SPAG16: variants seen among roughly 807,000 people sequenced by gnomAD.
SPAG16 encodes sperm associated antigen 16, also known as sperm-associated antigen 16 protein.
Under a neutral mutation model 80.4 loss-of-function variants are expected in SPAG16, and 86 were observed. The observed-to-expected ratio is 1.07, with a 90% CI of 0.90 to 1.28. The LOEUF (loss-of-function observed/expected upper bound fraction) is 1.28. Ranked by LOEUF, SPAG16 falls within the 50% of genes most tolerant of loss-of-function variation. SPAG16 has a pLI of 0.00. For synonymous variants in SPAG16, 294 were observed against 265.9 expected, an observed-to-expected ratio of 1.11 and a Z score of -1.03; for missense variants, 870 against 765.3, an observed-to-expected ratio of 1.14 and a Z score of -1.61.
intron 12 of SPAG16, among the ~76,000 whole-genome samples, chr2:214,009,423 T>C (rs114746422): frequency 0.023 from 3,438 of 152,294 alleles, 141 homozygotes; most frequent in African/African-American, 0.078. Context: ...TCCTGTGCTA[T>C]GTTTAGTTCA....
chr2:213,293,367 C>T (rs1465680254), intron 1 of SPAG16, among the ~76,000 whole-genome samples: 1 of 152,202 alleles, frequency 6.6e-6, no homozygotes, highest in African/African-American at 2.4e-5. Context: ...TATTCATGCT[C>T]TTGTGTAATC....
rs577405375 is a variant in SPAG16, at chr2:213,850,389, A to G, written c.1071-12096A>G. On this transcript the variant is annotated intron_variant, in intron 10 of 15. Transcript: ENST00000331683. ...CATGACACAGAAAACTTCAAAAATGAAAAGCTAAAATCCAGGGAAAACTGT... is the reference window on the plus strand; with the variant it reads ...CATGACACAGAAAACTTCAAAAATGGAAAGCTAAAATCCAGGGAAAACTGT... 2.0e-5 allele frequency among the ~76,000 whole-genome samples: 3 copies of G among 152,372 alleles called. No individual in the cohort carries two copies. The South Asian group carries it at 6.2e-4, about 32-fold the overall frequency.
At chr2:213,954,161 A>G (rs1272980351) in intron 12 of SPAG16, among the ~76,000 whole-genome samples, 5 of 147,698 alleles carry the variant, frequency 3.4e-5, no homozygotes, top group African/African-American at 9.9e-5. Flanking sequence ...TTTTTGAGAC[A>G]GAGTCTCACT....
chr2:213,927,115 G>A (rs190266951), intron 11 of SPAG16, among the ~76,000 whole-genome samples: 5 of 152,278 alleles, frequency 3.3e-5, no homozygotes, highest in African/African-American at 1.2e-4. Flanking sequence ...TGCAGGGAGC[G>A]AGTTAACTCC....
chr2:214,350,470 A>G (rs1216502063), intron 15 of SPAG16, among the ~76,000 whole-genome samples: 1 of 152,232 alleles, frequency 6.6e-6, no homozygotes, highest in Non-Finnish European at 1.5e-5. Context: ...GCTTTAAAGA[A>G]CCATCTTGAG....
At chr2:213,982,610 G>GTTGTGTGTGTGTGT in intron 12 of SPAG16, among the ~76,000 whole-genome samples, 1 of 141,858 alleles carries the variant, frequency 7.0e-6, no homozygotes, top group Non-Finnish European at 1.5e-5. Flanking sequence ...TATAGTTTCT[G>GTTGTGTGTGTGTGT]GTGTGTGTGT....
At chr2:213,846,583 A>G (rs1466491872) in intron 10 of SPAG16, among the ~76,000 whole-genome samples, 2 of 152,070 alleles carry the variant, frequency 1.3e-5, no homozygotes, top group Non-Finnish European at 2.9e-5. Context: ...ATATAATTAT[A>G]AATAAAATAA....
At chr2:214,194,551 G>A (rs982541213) in intron 15 of SPAG16, among the ~76,000 whole-genome samples, 1 of 152,046 alleles carries the variant, frequency 6.6e-6, no homozygotes, top group Non-Finnish European at 1.5e-5. Context: ...TGTTTTACTA[G>A]CATAAGACAT....
At chr2:213,681,598 A>G (rs1327121539) in intron 10 of SPAG16, among the ~76,000 whole-genome samples, 1 of 152,148 alleles carries the variant, frequency 6.6e-6, no homozygotes, top group Non-Finnish European at 1.5e-5. Flanking sequence ...CATTCTTATT[A>G]TACTCAGTGG....
At chr2:213,508,687 T>G (rs1346359314) in intron 10 of SPAG16, among the ~76,000 whole-genome samples, 1 of 152,002 alleles carries the variant, frequency 6.6e-6, no homozygotes, top group Non-Finnish European at 1.5e-5. Flanking sequence ...GAACACCACG[T>G]GTTCTCACTC....
chr2:214,153,408 T>C (rs1386211439), intron 15 of SPAG16, among the ~76,000 whole-genome samples: 1 of 152,212 alleles, frequency 6.6e-6, no homozygotes, highest in African/African-American at 2.4e-5. Context: ...TGATTATTGA[T>C]ATTCATATAT....
chr2:213,409,188 G>A (rs1327815921), intron 9 of SPAG16, among the ~76,000 whole-genome samples: 1 of 151,628 alleles, frequency 6.6e-6, no homozygotes, highest in Admixed American at 6.6e-5. Context: ...ATCTCTGAAA[G>A]TTGTGGGAAA....
intron 15 of SPAG16, among the ~76,000 whole-genome samples, chr2:214,387,387 C>G (rs1700820030): frequency 6.6e-6 from 1 of 152,136 alleles, no homozygotes; most frequent in Non-Finnish European, 1.5e-5. Context: ...AACAGAGCAG[C>G]ATCTCAGTAT....
chr2:213,348,672 A>G (rs1359202127), intron 6 of SPAG16, among the ~76,000 whole-genome samples: 1 of 152,176 alleles, frequency 6.6e-6, no homozygotes, highest in Non-Finnish European at 1.5e-5. Flanking sequence ...TCTGGGTTGA[A>G]AATTCTTTTC....
chr2:214,365,990 T>C (rs1699456223), intron 15 of SPAG16, among the ~76,000 whole-genome samples: 1 of 151,848 alleles, frequency 6.6e-6, no homozygotes, highest in Non-Finnish European at 1.5e-5. Context: ...TTTTTTTTTT[T>C]TTTTTGAGAC....
At chr2:213,725,314 G>A (rs1343354377) in intron 10 of SPAG16, among the ~76,000 whole-genome samples, 1 of 152,176 alleles carries the variant, frequency 6.6e-6, no homozygotes, top group Non-Finnish European at 1.5e-5. Flanking sequence ...ATGAACCACT[G>A]CACTGAGCCA....
intron 10 of SPAG16, among the ~76,000 whole-genome samples, chr2:213,507,103 T>C (rs1361060406): frequency 6.6e-6 from 1 of 152,202 alleles, no homozygotes; most frequent in Non-Finnish European, 1.5e-5. Context: ...GAATGACCAC[T>C]GTATCAAGAA....
chr2:213,725,807 C>T lies in SPAG16; in HGVS notation c.1071-136678C>T, dbSNP rs148510627. ...CTGATCTTTTAGTGTTTTCCAACAGCAACCTAAATAGCTTTATCAATTTCT... is the reference window on the plus strand; with the variant it reads ...CTGATCTTTTAGTGTTTTCCAACAGTAACCTAAATAGCTTTATCAATTTCT... On this transcript the variant is annotated intron_variant, in intron 10 of 15. Transcript: ENST00000331683. 5.9e-5 allele frequency among the ~76,000 whole-genome samples: 9 copies of T among 152,256 alleles called. No homozygotes were observed. The East Asian group carries it at 1.7e-3, about 29-fold the overall frequency.
intron 6 of SPAG16, among the ~76,000 whole-genome samples, chr2:213,349,884 A>G (rs1480494171): frequency 1.3e-5 from 2 of 152,190 alleles, no homozygotes; most frequent in African/African-American, 2.4e-5. Context: ...TTGATAATGT[A>G]TACTACTTGG....
Sources: allele counts gnomAD v4.1 joint callset (sites outside exome capture counted in the v4.1 genomes callset), GRCh38; gene constraint gnomAD v4.1.1; transcripts MANE v1.5; gene names NCBI Gene and HGNC (gene_info 2026-07-23, HGNC 2026-07-21).